The following PLEKHA5 variants were observed in gnomAD, a reference collection of about 807,000 sequenced individuals.
The protein encoded by PLEKHA5 is pleckstrin homology domain containing A5, also known as pleckstrin homology domain-containing family A member 5.
PLEKHA5 carries 55 observed loss-of-function variants against 181.9 expected under a neutral mutation model. The observed-to-expected ratio is 0.30, with a 90% CI of 0.24 to 0.38. The LOEUF (loss-of-function observed/expected upper bound fraction) is 0.38, where lower values mean the gene tolerates loss of function less well. PLEKHA5 is among the 10% of genes least tolerant of loss of function. The pLI is 1.00. For synonymous variants in PLEKHA5, 535 were observed against 529.4 expected (o/e 1.01, Z -0.15); for missense variants, 1,432 against 1,549.5 (o/e 0.92, Z 1.27).
At chr12:19,205,431 A>C in intron 3 of PLEKHA5, 1 of 965,112 alleles carries the variant, frequency 1.0e-6, no homozygotes, top group Non-Finnish European at 1.2e-6. Context: ...GATTTTTAGC[A>C]AAAGGCTATT....
chr12:19,265,830 A>G lies in PLEKHA5; in HGVS notation c.691A>G (p.Asn231Asp). The G allele has an allele frequency of 1.9e-6, 3 of 1,591,330 alleles. No homozygotes were observed. Among genetic ancestry groups the G allele is most frequent in the Non-Finnish European group, 2.6e-6 (3 of 1,160,976 alleles). Residue 231 changes from asparagine to aspartate, a missense_variant, in exon 8 of 32, where the codon AAT becomes GAT. This residue lies in a region of PLEKHA5 where 289 missense variants were observed against 381.1 expected (regional missense o/e 0.76). Coordinates refer to ENST00000429027, the MANE Select transcript of PLEKHA5 (RefSeq NM_001256470.2). ...IALLTSEDHI[N>D]RKYAFKAAHP... ...TTTGCTTACCTCTGAAGATCACATT[A>G]ATCGCAAATATGCTTTTAAGGTAAG...
intron 20 of PLEKHA5, among the ~76,000 whole-genome samples, chr12:19,334,373 A>G (rs768100352): frequency 4.7e-4 from 72 of 152,320 alleles, no homozygotes; most frequent in Non-Finnish European, 9.4e-4. Flanking sequence ...AGGAATGTCT[A>G]GCTCTCAATC....
chr12:19,287,478 C>G lies in PLEKHA5; in HGVS notation c.1785C>G (p.Val595=), dbSNP rs201905425. The G allele has an allele frequency of 9.2e-5, 148 of 1,604,390 alleles. No individual in the cohort carries two copies. The highest frequency in any genetic ancestry group is 5.8e-4 in the East Asian group (26 of 44,856). The part of the protein sequence containing the change: ...RRHRAHHPKH[V]YVPDRRSVPA... ...TTGTGCCTTTACTTTCCTAGCATGT[C>G]TATGTGCCTGACAGAAGGTCAGTGC... Residue 595 remains valine (V), a synonymous_variant, in exon 13 of 32, where the codon GTC becomes GTG. Coordinates refer to ENST00000429027, the MANE Select transcript of PLEKHA5 (RefSeq NM_001256470.2).
At chr12:19,235,289 TG>T (rs1323158298) in intron 3 of PLEKHA5, among the ~76,000 whole-genome samples, 3 of 152,220 alleles carry the variant, frequency 2.0e-5, no homozygotes, top group African/African-American at 7.2e-5. Flanking sequence ...CCAGTTATGT[TG>T]CGTGCTAGAT....
chr12:19,369,852 C>T, intron 31 of PLEKHA5, 54 bp downstream of exon 31: 1 of 1,074,576 alleles, frequency 9.3e-7, no homozygotes, highest in African/African-American at 1.6e-5. Context: ...AATTTTATGA[C>T]TTATCTGTTG....
At chr12:19,188,135 C>T (rs1428967797) in intron 3 of PLEKHA5, among the ~76,000 whole-genome samples, 1 of 152,170 alleles carries the variant, frequency 6.6e-6, no homozygotes, top group Non-Finnish European at 1.5e-5. Flanking sequence ...AGTGTGGCCA[C>T]TTCACACATA....
chr12:19,281,022 T>C (rs970414987), intron 11 of PLEKHA5, among the ~76,000 whole-genome samples: 1 of 152,116 alleles, frequency 6.6e-6, no homozygotes, highest in Non-Finnish European at 1.5e-5. Flanking sequence ...AATCTTACTT[T>C]TTCTAATCTA....
At chr12:19,310,529 G>C (rs1187318723) in intron 15 of PLEKHA5, among the ~76,000 whole-genome samples, 2 of 149,230 alleles carry the variant, frequency 1.3e-5, no homozygotes, top group East Asian at 2.0e-4. Flanking sequence ...AAAATTGCTT[G>C]AACTCGGGAG....
At position 19,173,005 on chromosome 12, in the gene PLEKHA5, CTTTTTTTTTTTTTTTTTT is replaced by C. The variant is rs71064064; in HGVS notation, c.227+40567_227+40584del. On this transcript the variant is annotated intron_variant, in intron 3 of 31. Coordinates refer to ENST00000429027, the MANE Select transcript of PLEKHA5 (RefSeq NM_001256470.2). Reference sequence around the variant, plus strand: ...AGAAAATTGCTACTGATTTCCCTTTCTTTTTTTTTTTTTTTTTTTTTTTTTTTTTGAGACGGAGTCTCG... The same window carrying C: ...AGAAAATTGCTACTGATTTCCCTTTCTTTTTTTTTTTGAGACGGAGTCTCG... 5.7e-4 allele frequency among the ~76,000 whole-genome samples: 19 copies of C among 33,558 alleles called. No individual in the cohort carries two copies. The South Asian group carries it at 0.01, about 18-fold the overall frequency. The allele number at this position is 33,558 out of a possible 152,430, so 22.0% of individuals were successfully genotyped here. A position where few individuals can be genotyped will look rare whatever the true frequency, so the allele number is the denominator to read the frequency against.
At chr12:19,348,991 A>G (rs2094461966) in intron 25 of PLEKHA5, among the ~76,000 whole-genome samples, 1 of 151,966 alleles carries the variant, frequency 6.6e-6, no homozygotes, top group Non-Finnish European at 1.5e-5. Context: ...ATCACATCAG[A>G]TTAGGTTTTA....
intron 24 of PLEKHA5, 127 bp downstream of exon 24, chr12:19,347,309 T>C (rs1432848687): frequency 2.3e-6 from 1 of 441,538 alleles, no homozygotes; most frequent in African/African-American, 2.0e-5. Flanking sequence ...GGCCAGCAGT[T>C]TTTAGTTTAT....
chr12:19,342,230 G>A (rs977880509), intron 21 of PLEKHA5, among the ~76,000 whole-genome samples: 2 of 152,100 alleles, frequency 1.3e-5, no homozygotes, highest in Admixed American at 6.6e-5. Flanking sequence ...GTATTATCCA[G>A]AATGGTGTTA....
intron 6 of PLEKHA5, among the ~76,000 whole-genome samples, chr12:19,258,051 GTTAT>G (rs2067328707): frequency 6.6e-6 from 1 of 150,854 alleles, no homozygotes; most frequent in Admixed American, 6.6e-5. Flanking sequence ...ATTTTTTTTG[GTTAT>G]TTATTTTTTC....
chr12:19,216,251 C>T (rs1312922064), intron 3 of PLEKHA5, among the ~76,000 whole-genome samples: 2 of 152,134 alleles, frequency 1.3e-5, no homozygotes, highest in Non-Finnish European at 2.9e-5. Context: ...AATAGGCAGG[C>T]TTCCTTTGGT....
chr12:19,222,159 A>G (rs1348374534), intron 3 of PLEKHA5, among the ~76,000 whole-genome samples: 2 of 152,040 alleles, frequency 1.3e-5, no homozygotes, highest in Admixed American at 1.3e-4. Context: ...GTATATTTGT[A>G]TACATACTTA....
chr12:19,349,568 G>T (rs2094491208), intron 25 of PLEKHA5, among the ~76,000 whole-genome samples: 1 of 151,884 alleles, frequency 6.6e-6, no homozygotes, highest in Non-Finnish European at 1.5e-5. Flanking sequence ...TTTCTAGAAG[G>T]CAATTGCGTA....
intron 3 of PLEKHA5, chr12:19,150,544 G>C (rs1248055894): frequency 1.3e-5 from 2 of 152,200 alleles, no homozygotes; most frequent in Non-Finnish European, 2.9e-5. Context: ...CAAGAGTGGG[G>C]ACCTCCTCTG....
intron 3 of PLEKHA5, among the ~76,000 whole-genome samples, chr12:19,231,996 C>T (rs1171412288): frequency 6.6e-6 from 1 of 152,026 alleles, no homozygotes; most frequent in African/African-American, 2.4e-5. Flanking sequence ...ACACATTTCT[C>T]CTATAGCTCA....
chr12:19,197,543 C>T (rs1001915122), intron 3 of PLEKHA5, among the ~76,000 whole-genome samples: 1 of 152,064 alleles, frequency 6.6e-6, no homozygotes, highest in Non-Finnish European at 1.5e-5. Flanking sequence ...TGTACTACAT[C>T]GTTTATTGTG....
Sources: allele counts gnomAD v4.1 joint callset (sites outside exome capture counted in the v4.1 genomes callset), GRCh38; gene constraint gnomAD v4.1.1; regional missense constraint gnomAD v4.1.1; transcripts MANE v1.5; gene names NCBI Gene and HGNC (gene_info 2026-07-23, HGNC 2026-07-21).